RARB: variants seen among roughly 807,000 people sequenced by gnomAD.
The protein encoded by RARB is HBV-activated protein.
RARB carries 17 observed loss-of-function variants against 51.9 expected under a neutral mutation model. The ratio of observed to expected loss-of-function variants is 0.33; its 90% CI spans 0.22 to 0.49. The LOEUF is 0.49. Ranked by LOEUF, RARB falls within the 20% of genes least tolerant of loss-of-function variation. The probability of loss-of-function intolerance (pLI) is 0.99; values close to 1 mark genes in which losing one functional copy is unlikely to be tolerated. For synonymous variants in RARB, 215 were observed against 195.4 expected, an observed-to-expected ratio of 1.10 and a Z score of -0.84; for missense variants, 369 against 550.8, an observed-to-expected ratio of 0.67 and a Z score of 3.30.
At chr3:24,874,798 A>G (rs937460101) in intron 2 of RARB, among the ~76,000 whole-genome samples, 4 of 151,710 alleles carry the variant, frequency 2.6e-5, no homozygotes, top group Non-Finnish European at 5.9e-5. Context: ...TAAATTGTTT[A>G]TATTTTATAT....
chr3:25,139,320 G>A (rs1489630471), intron 4 of RARB, among the ~76,000 whole-genome samples: 1 of 152,188 alleles, frequency 6.6e-6, no homozygotes, highest in African/African-American at 2.4e-5. Flanking sequence ...GCCAAGTTGT[G>A]AATGTGGAAG....
At chr3:25,433,435 A>G (rs1169656641) in intron 1 of RARB, among the ~76,000 whole-genome samples, 3 of 152,212 alleles carry the variant, frequency 2.0e-5, no homozygotes, top group Non-Finnish European at 4.4e-5. Flanking sequence ...GTAGCAAACT[A>G]TAGATCTGTG....
intron 5 of RARB, among the ~76,000 whole-genome samples, chr3:25,351,632 G>A (rs1443291847): frequency 6.6e-6 from 1 of 152,126 alleles, no homozygotes; most frequent in African/African-American, 2.4e-5. Context: ...AGACACTTGG[G>A]CGTTTTCAAA....
chr3:25,334,055 C>T (rs1232084950), intron 5 of RARB, among the ~76,000 whole-genome samples: 2 of 152,088 alleles, frequency 1.3e-5, no homozygotes, highest in Non-Finnish European at 2.9e-5. Context: ...TGTGGAGAAA[C>T]AGGAACACTT....
chr3:25,369,928 AAAG>A (rs1706247854), intron 5 of RARB, among the ~76,000 whole-genome samples: 1 of 152,192 alleles, frequency 6.6e-6, no homozygotes, highest in Admixed American at 6.5e-5. Context: ...AGAAAAAAAA[AAAG>A]ATGTTCACTT....
At chr3:25,155,346 T>G (rs1323968648) in intron 4 of RARB, among the ~76,000 whole-genome samples, 1 of 152,234 alleles carries the variant, frequency 6.6e-6, no homozygotes, top group Non-Finnish European at 1.5e-5. Flanking sequence ...TTTGTAGCAG[T>G]CACTATTCCC....
At chr3:25,466,901 ATTC>A (rs1215112415) in intron 2 of RARB, among the ~76,000 whole-genome samples, 3 of 152,242 alleles carry the variant, frequency 2.0e-5, no homozygotes, top group African/African-American at 7.2e-5. Flanking sequence ...TGATGATGTT[ATTC>A]TTCTTACAAC....
intron 5 of RARB, among the ~76,000 whole-genome samples, chr3:25,322,903 T>A (rs866010017): frequency 3.3e-5 from 5 of 152,306 alleles, no homozygotes; most frequent in Middle Eastern, 3.4e-3. Flanking sequence ...CCCAAACTTA[T>A]TTGCTTAAAA....
At chr3:25,331,335 A>C (rs1415531719) in intron 5 of RARB, among the ~76,000 whole-genome samples, 3 of 152,254 alleles carry the variant, frequency 2.0e-5, no homozygotes, top group Admixed American at 2.0e-4. Flanking sequence ...CTCTCAGACC[A>C]CAGTGCAATC....
intron 5 of RARB, among the ~76,000 whole-genome samples, chr3:25,203,091 A>G (rs923034461): frequency 2.6e-5 from 4 of 152,092 alleles, no homozygotes; most frequent in Admixed American, 6.6e-5. Context: ...GTCTCTAAGG[A>G]CTTGCTTTAT....
At chr3:25,486,127 G>C (rs1227314037) in intron 2 of RARB, among the ~76,000 whole-genome samples, 2 of 152,188 alleles carry the variant, frequency 1.3e-5, no homozygotes, top group Admixed American at 6.5e-5. Context: ...AATGCAAAAA[G>C]GGCCCATATT....
chr3:25,190,724 C>T (rs1008670247), intron 5 of RARB, among the ~76,000 whole-genome samples: 1 of 152,124 alleles, frequency 6.6e-6, no homozygotes, highest in Non-Finnish European at 1.5e-5. Context: ...GGGTCTCCTC[C>T]CCACTTCTAG....
In RARB at chr3:24,997,933, A is replaced by C. The variant is rs566148920; in HGVS notation, c.-379-62192A>C. 2.6e-5 allele frequency among the ~76,000 whole-genome samples: 4 copies of C among 152,292 alleles called. No individual in the cohort carries two copies. The East Asian group carries it at 7.7e-4, about 29-fold the overall frequency. ...AATAAATGCATAGAAATTCTAAATT[A>C]TTTAAATCTTTACAATAAAGTATTT... On this transcript the variant is annotated intron_variant, in intron 2 of 11. Transcript: ENST00000383772.
At chr3:25,098,582 G>A (rs1319223433) in intron 3 of RARB, among the ~76,000 whole-genome samples, 4 of 152,118 alleles carry the variant, frequency 2.6e-5, no homozygotes, top group Admixed American at 1.3e-4. Context: ...TACGGCTGGT[G>A]GGTCAAGTCC....
intron 2 of RARB, among the ~76,000 whole-genome samples, chr3:24,890,093 T>C (rs1312676306): frequency 6.6e-6 from 1 of 152,180 alleles, no homozygotes; most frequent in African/African-American, 2.4e-5. Flanking sequence ...AGCCTAAGTG[T>C]GACTTAGGCT....
intron 5 of RARB, among the ~76,000 whole-genome samples, chr3:25,199,492 G>A (rs1418870903): frequency 6.6e-6 from 1 of 152,092 alleles, no homozygotes; most frequent in Non-Finnish European, 1.5e-5. Context: ...TAGGGTACAT[G>A]TGCACAATGT....
intron 3 of RARB, among the ~76,000 whole-genome samples, chr3:25,103,288 T>A (rs996009691): frequency 1.2e-4 from 18 of 152,148 alleles, no homozygotes; most frequent in African/African-American, 3.9e-4. Flanking sequence ...AATGAGTACT[T>A]CTTAAAACAT....
At chr3:25,055,556 CTT>C (rs1698418954) in intron 2 of RARB, among the ~76,000 whole-genome samples, 1 of 152,142 alleles carries the variant, frequency 6.6e-6, no homozygotes. Context: ...TATCCTTACT[CTT>C]TACAAATTTG....
rs1422677668 is a variant in RARB, at chr3:24,931,300, A to G, written c.-380+72548A>G. 2.6e-5 allele frequency among the ~76,000 whole-genome samples: 4 copies of G among 152,006 alleles called. No homozygotes were observed. The East Asian group carries it at 7.7e-4, about 29-fold the overall frequency. ...TCTCTCTGCTGCCTGAAAATCTCCT[A>G]TTCCTCCAAATACACAAGGCAAAGC... On this transcript the variant is annotated intron_variant, in intron 2 of 11. Coordinates refer to the RARB transcript ENST00000383772.
Sources: gnomAD v4.1 joint callset for allele counts (sites outside exome capture counted in the v4.1 genomes callset) on GRCh38, gnomAD v4.1.1 for gene constraint, MANE v1.5 for transcripts, NCBI Gene and HGNC (gene_info 2026-07-23, HGNC 2026-07-21) for gene names.